TENM2: variants seen among roughly 807,000 people sequenced by gnomAD.
The protein encoded by TENM2 is teneurin-2.
In TENM2, 52 loss-of-function variants were observed where a neutral mutation model predicts 245.2. The ratio of observed to expected loss-of-function variants is 0.21; its 90% CI spans 0.17 to 0.27. The LOEUF is 0.27. Among genes scored for constraint, TENM2 ranks in the 10% least tolerant of loss-of-function variants. The probability of loss-of-function intolerance (pLI) is 1.00; values close to 1 mark genes in which losing one functional copy is unlikely to be tolerated. For synonymous variants in TENM2, 1,363 were observed against 1,438.9 expected, an observed-to-expected ratio of 0.95 and a Z score of 1.19; for missense variants, 3,046 against 3,666.8, an observed-to-expected ratio of 0.83 and a Z score of 4.37.
At chr5:167,929,775 G>A (rs1778141966) in intron 3 of TENM2, among the ~76,000 whole-genome samples, 1 of 152,156 alleles carries the variant, frequency 6.6e-6, no homozygotes, top group African/African-American at 2.4e-5. Context: ...ATGGGAGAGT[G>A]GATTCTAATC....
chr5:168,093,019 A>T (rs1462250107), intron 8 of TENM2, among the ~76,000 whole-genome samples: 1 of 152,234 alleles, frequency 6.6e-6, no homozygotes, highest in African/African-American at 2.4e-5. Flanking sequence ...GACTAAATGC[A>T]GTTAAAAAAC....
intron 1 of TENM2, among the ~76,000 whole-genome samples, chr5:167,309,442 G>A (rs936212408): frequency 6.6e-6 from 1 of 152,094 alleles, no homozygotes; most frequent in African/African-American, 2.4e-5. Context: ...AACGTATGAT[G>A]GGTTTATTCG....
chr5:167,660,062 C>T (rs935131930), intron 2 of TENM2: 1 of 152,050 alleles, frequency 6.6e-6, no homozygotes, highest in Non-Finnish European at 1.5e-5. Context: ...CTTTACCATG[C>T]TTTACGGTGC....
intron 2 of TENM2, among the ~76,000 whole-genome samples, chr5:167,583,550 A>G (rs572177964): frequency 6.6e-6 from 1 of 152,072 alleles, no homozygotes; most frequent in East Asian, 1.9e-4. Context: ...CAAAAAACCT[A>G]CTGAACATTT....
At chr5:168,207,638 G>A (rs946121201) in intron 19 of TENM2, among the ~76,000 whole-genome samples, 1 of 152,210 alleles carries the variant, frequency 6.6e-6, no homozygotes, top group Non-Finnish European at 1.5e-5. Context: ...GCAACCAGCA[G>A]AGGGAGGGAG....
rs147139518 is a variant in TENM2 at position 167,640,543 on chromosome 5, A to C, written c.503-235443A>C. On this transcript the variant is annotated intron_variant, in intron 2 of 28. Transcript: ENST00000518659. ...TGAGGCAGGAGAATTGCTTAAACCC[A>C]TGACGTGGAGGTTGCAGTGAGCCGA... Among the ~76,000 whole-genome samples the C allele has an allele frequency of 3.4e-3, 514 of 150,536 alleles. 2 individuals are homozygous for C. The highest frequency in any genetic ancestry group is 0.011 in the African/African-American group (459 of 41,012).
the TENM2 span, among the ~76,000 whole-genome samples, chr5:167,194,907 A>G: frequency 1.3e-5 from 2 of 152,006 alleles, no homozygotes; most frequent in Non-Finnish European, 2.9e-5. Context: ...CTATTTACTA[A>G]CAAAGCAAGC....
rs543694600 is a variant in TENM2, at chr5:167,679,736, G to T, written c.503-196250G>T. On this transcript the variant is annotated intron_variant, in intron 2 of 28. Coordinates refer to ENST00000518659, the Ensembl canonical transcript of TENM2. ...GATTTCTATTGTGGACCAGTATTTTGCAGAAAGAGTTACATTTTATTGATG... is the reference window on the plus strand; with the variant it reads ...GATTTCTATTGTGGACCAGTATTTTTCAGAAAGAGTTACATTTTATTGATG... Among the ~76,000 whole-genome samples the T allele has an allele frequency of 2.0e-5, 3 of 149,938 alleles. No homozygotes were observed. The East Asian group carries it at 5.9e-4, about 30-fold the overall frequency.
intron 2 of TENM2, among the ~76,000 whole-genome samples, chr5:167,811,803 G>A (rs1193917203): frequency 6.6e-6 from 1 of 152,044 alleles, no homozygotes; most frequent in Non-Finnish European, 1.5e-5. Context: ...GGCATATATG[G>A]GTTAATAGGG....
chr5:168,181,018 TCAG>T (rs1759831962), intron 13 of TENM2, among the ~76,000 whole-genome samples: 1 of 152,206 alleles, frequency 6.6e-6, no homozygotes, highest in Non-Finnish European at 1.5e-5. Context: ...GAGCACACCT[TCAG>T]CAACGCTGGT....
chr5:167,535,147 G>A (rs2034506366), intron 2 of TENM2, among the ~76,000 whole-genome samples: 1 of 151,880 alleles, frequency 6.6e-6, no homozygotes, highest in South Asian at 2.1e-4. Flanking sequence ...CCAGTAAGAT[G>A]TCCACAGGGT....
intron 2 of TENM2, among the ~76,000 whole-genome samples, chr5:167,672,406 T>G (rs1432245500): frequency 2.0e-5 from 3 of 152,060 alleles, no homozygotes; most frequent in African/African-American, 4.8e-5. Flanking sequence ...ATAAATTGAT[T>G]AGAACCTGAT....
chr5:167,562,322 T>A (rs935782248), intron 2 of TENM2, among the ~76,000 whole-genome samples: 3 of 152,094 alleles, frequency 2.0e-5, no homozygotes, highest in Non-Finnish European at 2.9e-5. Context: ...TTTTTCCCCC[T>A]AACAATAGAG....
At chr5:167,126,559 A>C in the TENM2 span, among the ~76,000 whole-genome samples, 30 of 152,342 alleles carry the variant, frequency 2.0e-4, no homozygotes, top group Non-Finnish European at 3.8e-4. Flanking sequence ...GAAGAATTAT[A>C]AATGAGAAAA....
intron 3 of TENM2, among the ~76,000 whole-genome samples, chr5:167,933,662 A>G (rs1778462308): frequency 6.6e-6 from 1 of 152,088 alleles, no homozygotes; most frequent in South Asian, 2.1e-4. Context: ...TTTATGAATA[A>G]ATTGTGAAAA....
intron 5 of TENM2, among the ~76,000 whole-genome samples, chr5:168,031,746 A>G (rs1787165534): frequency 1.5e-5 from 2 of 134,824 alleles, no homozygotes; most frequent in African/African-American, 5.6e-5. Flanking sequence ...GGAGTGAGGG[A>G]GGAAGGGAGG....
chr5:167,195,684 A>G, the TENM2 span, among the ~76,000 whole-genome samples: 1 of 152,040 alleles, frequency 6.6e-6, no homozygotes, highest in Admixed American at 6.6e-5. Context: ...AGCTATTATT[A>G]CTAATGCTAT....
Position 167,807,124 on chromosome 5 carries a change from T to TAAAAAAAAAAAAAAAAAAA in TENM2, c.503-68848_503-68830dup, listed in dbSNP as rs1178739925. 4.7e-4 allele frequency among the ~76,000 whole-genome samples: 23 copies of TAAAAAAAAAAAAAAAAAAA among 49,078 alleles called. 1 individual carries two copies. Among genetic ancestry groups the TAAAAAAAAAAAAAAAAAAA allele is most frequent in the African/African-American group, 1.3e-3 (15 of 11,846 alleles). The allele number at this position is 49,078 out of a possible 152,430, so 32.2% of individuals were successfully genotyped here. Reference sequence around the variant, plus strand: ...ACAGTTTGGCCCAAAGCCCCTAGGTTAAAAAAAAAAAAAAAAAAAAAAAAA... The same window carrying TAAAAAAAAAAAAAAAAAAA: ...ACAGTTTGGCCCAAAGCCCCTAGGTTAAAAAAAAAAAAAAAAAAAAAAAAAAAAAAAAAAAAAAAAAAAA... On this transcript the variant is annotated intron_variant, in intron 2 of 28. Transcript: ENST00000518659.
At chr5:167,721,671 A>T (rs541188719) in intron 2 of TENM2, among the ~76,000 whole-genome samples, 13 of 152,248 alleles carry the variant, frequency 8.5e-5, no homozygotes, top group Admixed American at 7.8e-4. Context: ...GATGAGTTCA[A>T]ACTCACTTGG....
Sources: gnomAD v4.1 joint callset for allele counts (sites outside exome capture counted in the v4.1 genomes callset) on GRCh38, gnomAD v4.1.1 for gene constraint, MANE v1.5 for transcripts, NCBI Gene and HGNC (gene_info 2026-07-23, HGNC 2026-07-21) for gene names.